Variants in RERE observed in about 807,000 individuals in gnomAD.
RERE encodes the protein arginine-glutamic acid dipeptide repeats.
In RERE, 40 loss-of-function variants were observed where a neutral mutation model predicts 146.1. That is an observed-to-expected ratio of 0.27 (90% CI 0.21 to 0.36). RERE has a LOEUF of 0.36. Among genes scored for constraint, RERE ranks in the 10% least tolerant of loss-of-function variants. The probability of loss-of-function intolerance (pLI) is 1.00; values close to 1 mark genes in which losing one functional copy is unlikely to be tolerated. For synonymous variants in RERE, 1,003 were observed against 866.0 expected, an observed-to-expected ratio of 1.16 and a Z score of -2.78; for missense variants, 1,933 against 2,138.7, an observed-to-expected ratio of 0.90 and a Z score of 1.90.
intron 4 of RERE, among the ~76,000 whole-genome samples, chr1:8,608,842 T>G (rs1483770335): frequency 6.6e-6 from 1 of 152,172 alleles, no homozygotes; most frequent in Non-Finnish European, 1.5e-5. Flanking sequence ...TCCCAACACT[T>G]TGGGAACCCA....
intron 1 of RERE, chr1:8,807,095 A>C (rs1641706376): frequency 6.6e-6 from 1 of 152,252 alleles, no homozygotes; most frequent in Non-Finnish European, 1.5e-5. Context: ...TCTGTCTCCC[A>C]GGCTGGAAAG....
intron 8 of RERE, among the ~76,000 whole-genome samples, chr1:8,500,422 G>A (rs113402360): frequency 0.028 from 4,341 of 152,324 alleles, 182 homozygotes; most frequent in African/African-American, 0.098. Flanking sequence ...TGTGTTGGCC[G>A]GGCTGGTCTC....
intron 12 of RERE, among the ~76,000 whole-genome samples, chr1:8,377,642 C>G (rs187446472): frequency 6.6e-6 from 1 of 152,180 alleles, no homozygotes; most frequent in Admixed American, 6.5e-5. Flanking sequence ...TTCTCTATCT[C>G]GTAAACATTT....
chr1:8,577,812 G>A (rs1646314894), intron 4 of RERE, among the ~76,000 whole-genome samples: 1 of 152,142 alleles, frequency 6.6e-6, no homozygotes, highest in African/African-American at 2.4e-5. Context: ...AGGGAAAGAG[G>A]AGCCGGGTGC....
At chr1:8,395,542 TG>T in intron 12 of RERE, among the ~76,000 whole-genome samples, 1 of 151,524 alleles carries the variant, frequency 6.6e-6, no homozygotes, top group Non-Finnish European at 1.5e-5. Flanking sequence ...GAACCTCTCC[TG>T]CTCAGCTATG....
rs375818638 is a variant in RERE, at chr1:8,500,594, C to G, written c.880-3065G>C. Among the ~76,000 whole-genome samples the G allele has an allele frequency of 2.5e-3, 374 of 152,340 alleles. 1 individual carries two copies. Among genetic ancestry groups the G allele is most frequent in the African/African-American group, 7.6e-3 (318 of 41,582 alleles). On this transcript the variant is annotated intron_variant, in intron 8 of 22. Transcript: ENST00000400908. ...CCTCCCAGCCGCCTGCCTTGGCCCC[C>G]CAAAGTGCCGAGATTGCAGCCTCTG...
intron 12 of RERE, among the ~76,000 whole-genome samples, chr1:8,369,875 C>T (rs1034615543): frequency 5.3e-5 from 8 of 152,090 alleles, no homozygotes; most frequent in Admixed American, 2.0e-4. Flanking sequence ...CTGCAAGCTC[C>T]GCCTCCCGGG....
rs1297285666 is a variant in RERE at position 8,360,950 on chromosome 1, C to T, written c.2557G>A (p.Gly853Ser). 18 of 1,452,144 alleles carry T rather than the reference C, an allele frequency of 1.2e-5. No individual in the cohort carries two copies. Among genetic ancestry groups the T allele is most frequent in the South Asian group, 4.3e-5 (3 of 70,458 alleles). The allele number at this position is 1,452,144 out of a possible 1,614,324, so 90.0% of individuals were successfully genotyped here. A position where few individuals can be genotyped will look rare whatever the true frequency, so the allele number is the denominator to read the frequency against. Residue 853 changes from glycine (G) to serine (S), a missense_variant, in exon 18 of 23, where the codon GGC becomes AGC. This residue lies in a region of RERE where 1,255 missense variants were observed against 1,153.8 expected (regional missense o/e 1.09). Transcript: ENST00000400908. ...QPPLHGQGPP[G>S]PHSLQAGPLL... ...GGCCCAGCCTGCAGGCTGTGAGGGCCGGGTGGGCCCTGACCGTGCAGTGGG... is the reference window on the plus strand; with the variant it reads ...GGCCCAGCCTGCAGGCTGTGAGGGCTGGGTGGGCCCTGACCGTGCAGTGGG...
At chr1:8,627,597 CAA>C (rs70982802) in intron 2 of RERE, among the ~76,000 whole-genome samples, 4 of 125,264 alleles carry the variant, frequency 3.2e-5, no homozygotes, top group Admixed American at 2.4e-4. Context: ...GAAACTGTCT[CAA>C]AAAAAAAAAA....
intron 1 of RERE, among the ~76,000 whole-genome samples, chr1:8,760,023 T>G (rs1640721911): frequency 6.6e-6 from 1 of 152,104 alleles, no homozygotes; most frequent in Non-Finnish European, 1.5e-5. Flanking sequence ...TAGTTTAGTT[T>G]AGTTTTGTTT....
At chr1:8,803,364 G>A (rs1395665371) in intron 1 of RERE, among the ~76,000 whole-genome samples, 1 of 152,052 alleles carries the variant, frequency 6.6e-6, no homozygotes, top group African/African-American at 2.4e-5. Flanking sequence ...CAGCTACTCG[G>A]GAGGCTGAGG....
In RERE at chr1:8,364,618, C is replaced by T. The variant is rs771922908; in HGVS notation, c.1540+128G>A. 34 of 715,886 alleles carry T rather than the reference C, an allele frequency of 4.7e-5. No individual in the cohort carries two copies. The highest frequency in any genetic ancestry group is 3.0e-4 in the Admixed American group (14 of 46,742). The allele number at this position is 715,886 out of a possible 1,614,324, so 44.3% of individuals were successfully genotyped here. A position where few individuals can be genotyped will look rare whatever the true frequency, so the allele number is the denominator to read the frequency against. ...AAACATTTCTAACTTTCTCGAATCC[C>T]GAAGCACAATGCAAATGTCAAATCA... is the stretch of plus-strand genomic sequence containing the variant. On this transcript the variant is annotated intron_variant, in intron 14 of 22. Transcript: ENST00000400908. This position sits in a 1 kb window ranked among gnomAD's most constrained non-coding sequence, Gnocchi z 5.1.
intron 11 of RERE, among the ~76,000 whole-genome samples, chr1:8,450,594 C>A (rs1214019651): frequency 6.6e-6 from 1 of 152,180 alleles, no homozygotes; most frequent in Non-Finnish European, 1.5e-5. Flanking sequence ...CTCCAAAAGG[C>A]CTCATACCCC....
chr1:8,633,464 C>CAG (rs1198285446), intron 2 of RERE, among the ~76,000 whole-genome samples: 1 of 152,110 alleles, frequency 6.6e-6, no homozygotes, highest in East Asian at 1.9e-4. Flanking sequence ...GACACACACA[C>CAG]ACACACACAC....
At chr1:8,802,855 T>C (rs1201105787) in intron 1 of RERE, among the ~76,000 whole-genome samples, 1 of 152,140 alleles carries the variant, frequency 6.6e-6, no homozygotes, top group African/African-American at 2.4e-5. Context: ...TATGCATTCA[T>C]TTGAATTAGG....
At chr1:8,587,539 C>G (rs1438768207) in intron 4 of RERE, among the ~76,000 whole-genome samples, 1 of 152,206 alleles carries the variant, frequency 6.6e-6, no homozygotes, top group Non-Finnish European at 1.5e-5. Context: ...GGGTCAGACC[C>G]CTCATACAGT....
chr1:8,786,573 A>G (rs1393852433), intron 1 of RERE: 10 of 772,532 alleles, frequency 1.3e-5, no homozygotes, highest in Non-Finnish European at 2.3e-5. Flanking sequence ...TGAGCTTCAC[A>G]AAGGTTCCAC....
chr1:8,785,648 G>A (rs898962431), intron 1 of RERE, among the ~76,000 whole-genome samples: 1 of 151,998 alleles, frequency 6.6e-6, no homozygotes, highest in Admixed American at 6.6e-5. Flanking sequence ...TTGAGACGAA[G>A]TCTCACTCTT....
intron 1 of RERE, among the ~76,000 whole-genome samples, chr1:8,705,744 T>G (rs1639544910): frequency 6.6e-6 from 1 of 152,238 alleles, no homozygotes; most frequent in Non-Finnish European, 1.5e-5. Flanking sequence ...AACACTGCTT[T>G]ACTCACTCCA....
Sources: gnomAD v4.1 joint callset for allele counts (sites outside exome capture counted in the v4.1 genomes callset) on GRCh38, gnomAD v4.1.1 for gene constraint, gnomAD v4.1.1 regional missense constraint, Gnocchi (gnomAD v3.1) non-coding constraint, MANE v1.5 for transcripts, NCBI Gene and HGNC (gene_info 2026-07-23, HGNC 2026-07-21) for gene names.